COG8: variants seen among roughly 807,000 people sequenced by gnomAD.
The protein encoded by COG8 is conserved oligomeric Golgi complex subunit 8.
COG8 carries 45 observed loss-of-function variants against 46.5 expected under a neutral mutation model. The ratio of observed to expected loss-of-function variants is 0.97; its 90% CI spans 0.76 to 1.24. The LOEUF (loss-of-function observed/expected upper bound fraction) is 1.24. Ranked by LOEUF, COG8 falls within the 50% of genes most tolerant of loss-of-function variation. The pLI is 0.00. For missense variants in COG8, 793 were observed against 820.8 expected, an observed-to-expected ratio of 0.97 and a Z score of 0.41; for synonymous variants, 407 against 347.8, an observed-to-expected ratio of 1.17 and a Z score of -1.90.
chr16:69,330,755 C>T, intron 5 of COG8, 58 bp downstream of exon 5: 1 of 1,455,614 alleles, frequency 6.9e-7, no homozygotes, highest in Non-Finnish European at 9.0e-7. Flanking sequence ...CCCGAACCCG[C>T]CCCGGACCTT....
intron 5 of COG8, 38 bp from the exon 6 acceptor site, chr16:69,329,217 C>T: frequency 6.5e-7 from 1 of 1,538,008 alleles, no homozygotes; most frequent in Non-Finnish European, 8.7e-7. Flanking sequence ...GTGGGAACAG[C>T]TGAACTGCAT....
intron 2 of COG8, 54 bp from the exon 3 acceptor site, chr16:69,335,402 C>A: frequency 7.0e-7 from 1 of 1,418,810 alleles, no homozygotes; most frequent in Non-Finnish European, 9.6e-7. Flanking sequence ...TCTCTAGAAC[C>A]CATTCCCCTA....
chr16:69,333,245 T>C (rs1250630166), intron 3 of COG8, among the ~76,000 whole-genome samples: 1 of 151,694 alleles, frequency 6.6e-6, no homozygotes, highest in Non-Finnish European at 1.5e-5. Context: ...CAGCTCACTG[T>C]AGCTTCAAAC....
Position 69,330,706 on chromosome 16 carries a change from G to A in COG8, c.*26+107C>T, listed in dbSNP as rs111394740. 1,247 of 1,395,434 alleles carry A rather than the reference G, an allele frequency of 8.9e-4. 12 individuals are homozygous for A. In the African/African-American group the frequency reaches 0.011, roughly 12 times the overall value. 86.4% of individuals were successfully genotyped at this position (1,395,434 alleles called of 1,614,324 possible). On this transcript the variant is annotated intron_variant, in intron 5 of 5. Coordinates refer to ENST00000306875, the MANE Select transcript of COG8 (RefSeq NM_032382.5). ...CCTGCTTAGACTGGCAGTGAGCACC[G>A]CCCCCTTCCGCTCTCCTCCCGGGAG...
chr16:69,336,516 G>A lies in COG8; in HGVS notation c.574C>T (p.Pro192Ser). The A allele has an allele frequency of 1.9e-6, 3 of 1,614,072 alleles. No individual in the cohort carries two copies. The highest frequency in any genetic ancestry group is 1.1e-5 in the South Asian group (1 of 91,080). Residue 192 changes from proline (P) to serine (S), a missense_variant, in exon 2 of 6, where the codon CCT becomes TCT. By Grantham distance (74) the Pro-to-Ser change is moderately conservative. Coordinates refer to ENST00000306875, the MANE Select transcript of COG8 (RefSeq NM_032382.5). Reference protein sequence around the residue: ...RRLERKYSSIPVIQGIVNEVR... With the variant: ...RRLERKYSSISVIQGIVNEVR... ...GGCAAGGTGGCTACCTGGATGACAG[G>A]GATGGAAGAGTATTTCCTCTCCAGT...
intron 1 of COG8, among the ~76,000 whole-genome samples, chr16:69,337,344 G>A (rs187930558): frequency 6.6e-6 from 1 of 151,398 alleles, no homozygotes; most frequent in African/African-American, 2.4e-5. Context: ...TAAATGAGAT[G>A]ATGTGTGTGA....
intron 4 of COG8, among the ~76,000 whole-genome samples, chr16:69,332,274 C>T (rs779679422): frequency 2.0e-5 from 3 of 151,524 alleles, no homozygotes; most frequent in Non-Finnish European, 2.9e-5. Context: ...TGCTTGAACC[C>T]GGGAGGTGGA....
intron 4 of COG8, among the ~76,000 whole-genome samples, chr16:69,331,905 A>G (rs932940932): frequency 6.6e-6 from 1 of 152,212 alleles, no homozygotes; most frequent in Non-Finnish European, 1.5e-5. Flanking sequence ...GGGTGCCTGC[A>G]GCAGGAACCC....
intron 5 of COG8, among the ~76,000 whole-genome samples, 183 bp from the exon 6 acceptor site, chr16:69,329,362 T>C (rs1965708563): frequency 2.0e-5 from 3 of 152,198 alleles, no homozygotes; most frequent in South Asian, 4.1e-4. Context: ...TTACCAAGCG[T>C]TCAACCTGGT....
At chr16:69,331,182 T>A in intron 4 of COG8, 87 bp from the exon 5 acceptor site, 1 of 1,436,316 alleles carries the variant, frequency 7.0e-7, no homozygotes, top group Non-Finnish European at 9.6e-7. Flanking sequence ...GCGCGGTGGC[T>A]CACGCCTGTA....
chr16:69,336,764 T>C, intron 1 of COG8, 52 bp from the exon 2 acceptor site: 2 of 1,496,936 alleles, frequency 1.3e-6, no homozygotes, highest in Non-Finnish European at 1.9e-6. Context: ...ACCCAAACCT[T>C]AGCTACAGTT....
Position 69,336,656 on chromosome 16 carries a change from G to A in COG8, c.434C>T (p.Thr145Ile). ...CAAAATTTCTGTGTGCCGGTTTAGG[G>A]TCAGGCTATTCATCCGGCGGTTGGA... is the stretch of plus-strand genomic sequence containing the variant. ...ISSNRRMNSL[T>I]LNRHTEILEI... Residue 145 changes from threonine to isoleucine, a missense_variant, in exon 2 of 6, where the codon ACC (threonine) becomes ATC (isoleucine). Physicochemically the swap from Thr to Ile is moderately conservative, Grantham distance 89 (BLOSUM62 -1). Transcript: ENST00000306875. 1 of 1,614,118 alleles carries A rather than the reference G, an allele frequency of 6.2e-7. No homozygotes were observed.
chr16:69,336,674 C>T lies in COG8; in HGVS notation c.416G>A (p.Arg139His), dbSNP rs762499740. The change falls in exon 2 of 6, where the codon CGC (arginine) becomes CAC (histidine). Residue 139 changes from arginine to histidine, a missense_variant. Coordinates refer to ENST00000306875, the MANE Select transcript of COG8 (RefSeq NM_032382.5). ...GTTTAGGGTCAGGCTATTCATCCGG[C>T]GGTTGGAGCTGATCTCCTCGGCTTC... ...VKEAEEISSN[R>H]RMNSLTLNRH... The T allele has an allele frequency of 4.1e-5, 66 of 1,613,984 alleles. 1 individual carries two copies. The highest frequency in any genetic ancestry group is 3.5e-4 in the South Asian group (32 of 91,086).
intron 5 of COG8, chr16:69,330,288 G>A: frequency 1.4e-6 from 2 of 1,430,766 alleles, no homozygotes; most frequent in Non-Finnish European, 1.8e-6. Flanking sequence ...CGTTGCGTCA[G>A]CCGCTGCAGC....
chr16:69,331,215 G>A (rs2011805929), intron 4 of COG8, 120 bp from the exon 5 acceptor site: 1 of 1,053,054 alleles, frequency 9.5e-7, no homozygotes, highest in Non-Finnish European at 1.4e-6. Flanking sequence ...TGGGAGGCCG[G>A]GGAGGGGGGG....
intron 5 of COG8, chr16:69,330,536 G>T: frequency 6.8e-7 from 1 of 1,478,520 alleles, no homozygotes; most frequent in Admixed American, 2.4e-5. Flanking sequence ...CGCCCACAGT[G>T]GCCAAAGACT....
chr16:69,330,725 C>G (rs935098456), intron 5 of COG8, 88 bp downstream of exon 5: 2 of 1,416,958 alleles, frequency 1.4e-6, no homozygotes, highest in Admixed American at 5.7e-5. Context: ...CGCTCTCCTC[C>G]CGGGAGCGCC....
chr16:69,329,885 C>T, intron 5 of COG8: 2 of 1,295,646 alleles, frequency 1.5e-6, no homozygotes, highest in Non-Finnish European at 2.0e-6. Context: ...CATCCCACTT[C>T]GCTCCTGCGG....
Position 69,326,470 on chromosome 16 carries a change from C to CT in COG8, c.*2735dup, listed in dbSNP as rs1965597555. The CT allele has an allele frequency of 6.6e-6, 1 of 152,230 alleles. No individual in the cohort carries two copies. The highest frequency in any genetic ancestry group is 2.4e-5 in the African/African-American group (1 of 41,458). 9.4% of individuals were successfully genotyped at this position (152,230 alleles called of 1,614,324 possible). Reference sequence around the variant, plus strand: ...AAATTTTTACTTCTAGTTACATTTACTTGAATCAGAACGTTGTTTCCTCAT... The same window carrying CT: ...AAATTTTTACTTCTAGTTACATTTACTTTGAATCAGAACGTTGTTTCCTCAT... On this transcript the variant is annotated 3_prime_UTR_variant, in exon 6 of 6. Transcript: ENST00000306875.
Sources: allele counts gnomAD v4.1 joint callset (sites outside exome capture counted in the v4.1 genomes callset), GRCh38; gene constraint gnomAD v4.1.1; transcripts MANE v1.5; gene names NCBI Gene and HGNC (gene_info 2026-07-23, HGNC 2026-07-21).